The following SLC25A48 variants were observed in gnomAD, a reference collection of about 807,000 sequenced individuals.
SLC25A48 encodes solute carrier family 25 member 48.
A neutral mutation model predicts 32.2 loss-of-function variants in SLC25A48; 29 were observed. The ratio of observed to expected loss-of-function variants is 0.90; its 90% CI spans 0.67 to 1.23. The LOEUF (loss-of-function observed/expected upper bound fraction) is 1.23. Among genes scored for constraint, SLC25A48 ranks in the 50% most tolerant of loss-of-function variants. SLC25A48 has a pLI of 0.00. For synonymous variants in SLC25A48, 164 were observed against 172.3 expected (o/e 0.95, Z 0.38); for missense variants, 399 against 422.7 (o/e 0.94, Z 0.49).
At chr5:135,748,362 C>T (rs1208665448) in intron 3 of SLC25A48, among the ~76,000 whole-genome samples, 1 of 152,186 alleles carries the variant, frequency 6.6e-6, no homozygotes, top group Non-Finnish European at 1.5e-5. Flanking sequence ...CAACCTCCGC[C>T]TCCTGGGTGC....
intron 2 of SLC25A48, among the ~76,000 whole-genome samples, chr5:135,844,852 C>T (rs567831969): frequency 4.6e-5 from 7 of 152,298 alleles, no homozygotes; most frequent in Admixed American, 3.9e-4. Flanking sequence ...AAGTGGCATG[C>T]TCAGTCCCTG....
At chr5:135,708,140 A>G (rs1019638082) in intron 3 of SLC25A48, among the ~76,000 whole-genome samples, 1 of 152,154 alleles carries the variant, frequency 6.6e-6, no homozygotes, top group African/African-American at 2.4e-5. Context: ...TATAGATTCT[A>G]TTCGTGAGCC....
chr5:135,853,566 C>T (rs6893093), intron 4 of SLC25A48, among the ~76,000 whole-genome samples: 21 of 152,198 alleles, frequency 1.4e-4, no homozygotes, highest in Non-Finnish European at 2.8e-4. Context: ...ACTCTTCATC[C>T]GTTAAATATT....
At chr5:135,776,492 C>T (rs538641421) in intron 3 of SLC25A48, among the ~76,000 whole-genome samples, 68 of 151,824 alleles carry the variant, frequency 4.5e-4, no homozygotes, top group African/African-American at 1.5e-3. Context: ...TGATATTTTT[C>T]CTAATATCCA....
At chr5:135,593,925 C>T (rs746167746) in intron 1 of SLC25A48, among the ~76,000 whole-genome samples, 1 of 152,222 alleles carries the variant, frequency 6.6e-6, no homozygotes, top group Non-Finnish European at 1.5e-5. Flanking sequence ...GGACCAGCCC[C>T]CCTGGTCACT....
At chr5:135,740,017 CA>C (rs1408060772) in intron 3 of SLC25A48, among the ~76,000 whole-genome samples, 15 of 152,254 alleles carry the variant, frequency 9.9e-5, no homozygotes, top group African/African-American at 3.6e-4. Flanking sequence ...GTATTCCTGA[CA>C]GCTTCAAAAA....
At chr5:135,846,018 G>A (rs763998138) in intron 2 of SLC25A48, among the ~76,000 whole-genome samples, 4 of 152,192 alleles carry the variant, frequency 2.6e-5, no homozygotes, top group Non-Finnish European at 4.4e-5. Context: ...GTTAGGAACG[G>A]GGCTGCACAG....
intron 5 of SLC25A48, 44 bp downstream of exon 5, chr5:135,871,762 A>G (rs1487321341): frequency 3.1e-6 from 5 of 1,603,460 alleles, no homozygotes; most frequent in Non-Finnish European, 4.3e-6. Context: ...TGCAGGCCAC[A>G]GCAGTGGGAC....
chr5:135,776,731 G>T (rs1019229823), intron 3 of SLC25A48, among the ~76,000 whole-genome samples: 1 of 151,388 alleles, frequency 6.6e-6, no homozygotes, highest in African/African-American at 2.4e-5. Context: ...TAAAACCCGG[G>T]GGGTGGGGAA....
At chr5:135,760,347 GC>G (rs1442712524) in intron 3 of SLC25A48, among the ~76,000 whole-genome samples, 4 of 152,162 alleles carry the variant, frequency 2.6e-5, no homozygotes, top group African/African-American at 4.8e-5. Context: ...AGGTGTGGCG[GC>G]TTCTGCCTGT....
chr5:135,597,741 C>T (rs538223111), intron 1 of SLC25A48, among the ~76,000 whole-genome samples: 7 of 152,278 alleles, frequency 4.6e-5, no homozygotes, highest in East Asian at 1.9e-4. Context: ...CAGTGGCTCA[C>T]GCCTATAACA....
chr5:135,804,977 T>C (rs537336524), intron 3 of SLC25A48, among the ~76,000 whole-genome samples: 2 of 151,620 alleles, frequency 1.3e-5, no homozygotes, highest in South Asian at 4.1e-4. Flanking sequence ...ATTTGTAATA[T>C]CCTAGGTAGA....
At chr5:135,756,405 C>T (rs2127013245) in intron 3 of SLC25A48, among the ~76,000 whole-genome samples, 1 of 152,004 alleles carries the variant, frequency 6.6e-6, no homozygotes, top group African/African-American at 2.4e-5. Context: ...AAAATATCGA[C>T]CTTGTGTGGT....
In SLC25A48 at chr5:135,848,578, T is replaced by C. The variant is rs933968540; in HGVS notation, c.91-1847T>C. Among the ~76,000 whole-genome samples, 3 of 152,362 alleles carry C rather than the reference T, an allele frequency of 2.0e-5. No individual in the cohort carries two copies. In the East Asian group the frequency reaches 5.8e-4, roughly 29 times the overall value. On this transcript the variant is annotated intron_variant, in intron 2 of 7. Transcript: ENST00000681962. ...CTTATCCTTGGTTTATTTTCCTCTG[T>C]AGTACTTGTCTTCATCTAAAATATA...
intron 5 of SLC25A48, among the ~76,000 whole-genome samples, chr5:135,873,327 T>C (rs922189657): frequency 1.3e-5 from 2 of 152,226 alleles, no homozygotes; most frequent in Non-Finnish European, 2.9e-5. Flanking sequence ...AATTTCTGTG[T>C]TTCTATAATA....
intron 4 of SLC25A48, among the ~76,000 whole-genome samples, chr5:135,815,779 C>G (rs1457618805): frequency 6.6e-6 from 1 of 152,130 alleles, no homozygotes; most frequent in African/African-American, 2.4e-5. Flanking sequence ...TTCTCTGTCA[C>G]CTGCATGTTC....
chr5:135,690,171 T>A (rs1754112709), intron 3 of SLC25A48, among the ~76,000 whole-genome samples: 1 of 152,226 alleles, frequency 6.6e-6, no homozygotes, highest in South Asian at 2.1e-4. Context: ...AACCTCCCTA[T>A]GCCTCCGTCT....
chr5:135,700,833 C>A (rs1304750869), intron 3 of SLC25A48, among the ~76,000 whole-genome samples: 1 of 152,230 alleles, frequency 6.6e-6, no homozygotes, highest in East Asian at 1.9e-4. Flanking sequence ...ACAGTGGATA[C>A]CACTTGTGCA....
intron 4 of SLC25A48, among the ~76,000 whole-genome samples, chr5:135,860,091 G>A (rs1313433954): frequency 6.6e-6 from 1 of 152,130 alleles, no homozygotes; most frequent in Non-Finnish European, 1.5e-5. Context: ...TAAATGTCTG[G>A]CAAAGTTAGC....
Sources: allele counts gnomAD v4.1 joint callset (sites outside exome capture counted in the v4.1 genomes callset), GRCh38; gene constraint gnomAD v4.1.1; transcripts MANE v1.5; gene names NCBI Gene and HGNC (gene_info 2026-07-23, HGNC 2026-07-21).